NDUFAF6: variants seen among roughly 807,000 people sequenced by gnomAD.
NDUFAF6 encodes the protein NADH:ubiquinone oxidoreductase complex assembly factor 6, also known as NADH dehydrogenase (ubiquinone) complex I, assembly factor 6.
NDUFAF6 carries 45 observed loss-of-function variants against 40.8 expected under a neutral mutation model. The ratio of observed to expected loss-of-function variants is 1.10; its 90% CI spans 0.87 to 1.42. The LOEUF is 1.42. Among genes scored for constraint, NDUFAF6 ranks in the 40% most tolerant of loss-of-function variants. The probability of loss-of-function intolerance (pLI) is 0.00; values close to 1 mark genes in which losing one functional copy is unlikely to be tolerated. For synonymous variants in NDUFAF6, 185 were observed against 155.9 expected, an observed-to-expected ratio of 1.19 and a Z score of -1.39; for missense variants, 435 against 418.5, an observed-to-expected ratio of 1.04 and a Z score of -0.34.
chr8:95,019,720 A>T (rs1827612605), intron 2 of NDUFAF6, among the ~76,000 whole-genome samples: 1 of 152,246 alleles, frequency 6.6e-6, no homozygotes, highest in South Asian at 2.1e-4. Context: ...AACAGTGTGT[A>T]GGTGTCCTTT....
chr8:94,998,056 A>G (rs1299059577), intron 2 of NDUFAF6, among the ~76,000 whole-genome samples: 3 of 152,150 alleles, frequency 2.0e-5, no homozygotes, highest in Non-Finnish European at 4.4e-5. Context: ...CTTGCTCTCA[A>G]TCGGAGAAAG....
chr8:94,902,418 C>A (rs879196223), intron 1 of NDUFAF6, among the ~76,000 whole-genome samples: 343 of 132,336 alleles, frequency 2.6e-3, no homozygotes, highest in Middle Eastern at 7.8e-3. Flanking sequence ...GGCCCTGTCT[C>A]AAAAAAAAAA....
intron 2 of NDUFAF6, chr8:94,950,912 A>AT (rs1467325658): frequency 6.6e-6 from 1 of 152,220 alleles, no homozygotes; most frequent in African/African-American, 2.4e-5. Context: ...TGAAATCATC[A>AT]TCTTGTTATG....
At chr8:95,109,050 G>A (rs375413690) in intron 4 of NDUFAF6, among the ~76,000 whole-genome samples, 5 of 152,110 alleles carry the variant, frequency 3.3e-5, no homozygotes, top group Admixed American at 2.0e-4. Flanking sequence ...GAAAAATTTT[G>A]TGATGTTTGG....
At chr8:95,027,558 T>A in intron 1 of NDUFAF6, among the ~76,000 whole-genome samples, 1 of 143,050 alleles carries the variant, frequency 7.0e-6, no homozygotes. Flanking sequence ...CCAGCCTGGG[T>A]GACAAAATGA....
At chr8:95,098,903 C>T (rs1809560958), upstream of NDUFAF6, among the ~76,000 whole-genome samples, 1 of 152,078 alleles carries the variant, frequency 6.6e-6, no homozygotes, top group Admixed American at 6.5e-5. Flanking sequence ...GCCTGGGCGA[C>T]AGAGTAAGAC....
intron 3 of NDUFAF6, 119 bp downstream of exon 3, chr8:95,035,695 C>T: frequency 9.9e-7 from 1 of 1,011,930 alleles, no homozygotes; most frequent in Non-Finnish European, 1.4e-6. Flanking sequence ...TATTCTTAGG[C>T]TTATGTATTC....
chr8:94,909,715 A>G (rs1037171335), intron 1 of NDUFAF6, among the ~76,000 whole-genome samples: 2 of 151,924 alleles, frequency 1.3e-5, no homozygotes, highest in Non-Finnish European at 2.9e-5. Flanking sequence ...CACTTCGCCC[A>G]GGAGTTTGAG....
chr8:95,091,968 T>G (rs1809266549), intron 2 of NDUFAF6, among the ~76,000 whole-genome samples: 1 of 151,614 alleles, frequency 6.6e-6, no homozygotes. Context: ...TATATAATAT[T>G]ATGCTCTTGG....
intron 2 of NDUFAF6, among the ~76,000 whole-genome samples, chr8:95,016,608 G>A (rs892071839): frequency 2.6e-5 from 4 of 152,190 alleles, no homozygotes; most frequent in African/African-American, 9.7e-5. Context: ...TGGGCCTGGT[G>A]GCGTGTGCCT....
At chr8:94,991,525 A>G (rs764394474) in intron 2 of NDUFAF6, among the ~76,000 whole-genome samples, 1 of 152,244 alleles carries the variant, frequency 6.6e-6, no homozygotes, top group Non-Finnish European at 1.5e-5. Flanking sequence ...CAGATTTGCT[A>G]TATGAATCTA....
At chr8:94,961,016 T>A (rs1394289026) in intron 1 of NDUFAF6, among the ~76,000 whole-genome samples, 3 of 152,160 alleles carry the variant, frequency 2.0e-5, no homozygotes, top group African/African-American at 7.2e-5. Context: ...ACATAGACAT[T>A]TTTCACCTTT....
At chr8:94,954,524 CT>C (rs1470528989), upstream of NDUFAF6, among the ~76,000 whole-genome samples, 2 of 152,072 alleles carry the variant, frequency 1.3e-5, no homozygotes, top group African/African-American at 4.8e-5. Flanking sequence ...GAAAGATAAG[CT>C]GGGTAAAGGG....
intron 1 of NDUFAF6, among the ~76,000 whole-genome samples, chr8:94,933,834 T>TA (rs1554630442): frequency 1.7e-5 from 1 of 59,022 alleles, no homozygotes; most frequent in South Asian, 6.4e-4. Flanking sequence ...CAGCACTTTG[T>TA]GGGGGGGGGG....
At chr8:94,969,365 ATGCCTCCAAGGGTCAAGTGG>A (rs1250996909) in intron 1 of NDUFAF6, among the ~76,000 whole-genome samples, 1 of 152,228 alleles carries the variant, frequency 6.6e-6, no homozygotes. Flanking sequence ...GCCCTTTCAC[ATGCCTCCAAGGGTCAAGTGG>A]TGCCACTGGA....
At chr8:94,985,526 T>A (rs1825827754) in intron 2 of NDUFAF6, among the ~76,000 whole-genome samples, 1 of 52,440 alleles carries the variant, frequency 1.9e-5, no homozygotes, top group Non-Finnish European at 3.7e-5. Flanking sequence ...TTTTTTTTTT[T>A]TTTTTTTTTT....
intron 1 of NDUFAF6, among the ~76,000 whole-genome samples, chr8:94,910,958 C>T (rs1403442761): frequency 6.6e-6 from 1 of 152,070 alleles, no homozygotes; most frequent in African/African-American, 2.4e-5. Flanking sequence ...GTGATACATT[C>T]GTAAGTGATA....
chr8:94,931,076 G>A (rs916823683), intron 1 of NDUFAF6, among the ~76,000 whole-genome samples: 1 of 152,198 alleles, frequency 6.6e-6, no homozygotes, highest in African/African-American at 2.4e-5. Context: ...ATCTGCATTT[G>A]CCAATTCTTT....
chr8:95,023,789 G>C (rs531359541), upstream of NDUFAF6, among the ~76,000 whole-genome samples: 1 of 152,080 alleles, frequency 6.6e-6, no homozygotes, highest in Admixed American at 6.5e-5. Context: ...AGGTCAGATC[G>C]AGACCATCCT....
Sources: allele counts gnomAD v4.1 joint callset (sites outside exome capture counted in the v4.1 genomes callset), GRCh38; gene constraint gnomAD v4.1.1; transcripts MANE v1.5; gene names NCBI Gene and HGNC (gene_info 2026-07-23, HGNC 2026-07-21).